The following CEBPG variants were observed in gnomAD, a reference collection of about 807,000 sequenced individuals.
The protein encoded by CEBPG is CCAAT/enhancer-binding protein gamma.
Under a neutral mutation model 11.1 loss-of-function variants are expected in CEBPG, and 6 were observed. That is an observed-to-expected ratio of 0.54 (90% CI 0.30 to 1.07). The LOEUF (loss-of-function observed/expected upper bound fraction) is 1.07. CEBPG is among the 50% of genes least tolerant of loss of function. CEBPG has a pLI of 0.07. For synonymous variants in CEBPG, 66 were observed against 71.0 expected, an observed-to-expected ratio of 0.93 and a Z score of 0.36; for missense variants, 161 against 187.4, an observed-to-expected ratio of 0.86 and a Z score of 0.82.
At position 33,381,449 on chromosome 19, in the gene CEBPG, G is replaced by A. The variant is rs1383886618; in HGVS notation, c.*1757G>A. On this transcript the variant is annotated 3_prime_UTR_variant, in exon 2 of 2. Transcript: ENST00000284000. ...CCAGGAGGGCTGTTAACTCCCTATA[G>A]AGCCAGGAGACAGGATAGGGGTTTC... 3 of 166,978 alleles carry A rather than the reference G, an allele frequency of 1.8e-5. No individual in the cohort carries two copies. The highest frequency in any genetic ancestry group is 4.4e-5 in the Non-Finnish European group (3 of 68,124). The allele number at this position is 166,978 out of a possible 1,614,324, so 10.3% of individuals were successfully genotyped here.
At chr19:33,376,231 A>C (rs1967910802) in intron 1 of CEBPG, among the ~76,000 whole-genome samples, 1 of 152,214 alleles carries the variant, frequency 6.6e-6, no homozygotes. Context: ...AGGTCTGTGG[A>C]GAAAAGGGAC....
At chr19:33,373,928 GGGA>G (rs1967876967) in intron 1 of CEBPG, 33 bp downstream of exon 1, 1 of 151,586 alleles carries the variant, frequency 6.6e-6, no homozygotes, top group Non-Finnish European at 1.5e-5. Context: ...CCTGAGAACG[GGGA>G]GGAGGAGGCC....
chr19:33,376,049 T>G, intron 1 of CEBPG, among the ~76,000 whole-genome samples: 1 of 147,292 alleles, frequency 6.8e-6, no homozygotes. Context: ...AGAGGAAGAG[T>G]AGATGGGAAG....
rs529367654 is a variant in CEBPG at position 33,380,675 on chromosome 19, C to T, written c.*983C>T. 1.2e-5 allele frequency: 2 copies of T among 167,038 alleles called. No individual in the cohort carries two copies. The highest frequency in any genetic ancestry group is 1.3e-4 in the Admixed American group (2 of 15,310). The allele number at this position is 167,038 out of a possible 1,614,324, so 10.3% of individuals were successfully genotyped here. A position where few individuals can be genotyped will look rare whatever the true frequency, so the allele number is the denominator to read the frequency against. On this transcript the variant is annotated 3_prime_UTR_variant, in exon 2 of 2. Transcript: ENST00000284000. Reference sequence around the variant, plus strand: ...TTACTTTTAAAGTCAAAATTTTCTTCTGAAGGCTCATTTTGGTATTTGATC... The same window carrying T: ...TTACTTTTAAAGTCAAAATTTTCTTTTGAAGGCTCATTTTGGTATTTGATC...
intron 1 of CEBPG, among the ~76,000 whole-genome samples, chr19:33,377,199 T>A (rs1967921967): frequency 6.6e-6 from 1 of 152,242 alleles, no homozygotes; most frequent in Admixed American, 6.5e-5. Flanking sequence ...TGTTTGTTAG[T>A]GACTGAAGGT....
rs1967874997 is a variant in CEBPG, at chr19:33,373,810, C to A, written c.-182C>A. On this transcript the variant is annotated 5_prime_UTR_variant, in exon 1 of 2. The change creates a new upstream start codon in the 5' untranslated region. Coordinates refer to ENST00000284000, the MANE Select transcript of CEBPG (RefSeq NM_001806.4). Reference sequence around the variant, plus strand: ...TCGCTCCTCCTCGCTGACTCGCGGGCTGTGAGGCCTGGGTCGGCTCGGGCC... The same window carrying A: ...TCGCTCCTCCTCGCTGACTCGCGGGATGTGAGGCCTGGGTCGGCTCGGGCC... 1 of 151,706 alleles carries A rather than the reference C, an allele frequency of 6.6e-6. No individual in the cohort carries two copies. Among genetic ancestry groups the A allele is most frequent in the Admixed American group, 6.6e-5 (1 of 15,226 alleles). The allele number at this position is 151,706 out of a possible 1,614,324, so 9.4% of individuals were successfully genotyped here.
chr19:33,377,909 C>T (rs1967931026), intron 1 of CEBPG, among the ~76,000 whole-genome samples: 1 of 152,208 alleles, frequency 6.6e-6, no homozygotes, highest in Non-Finnish European at 1.5e-5. Flanking sequence ...GGTGTAGCTA[C>T]TGGTGTTTGC....
intron 1 of CEBPG, among the ~76,000 whole-genome samples, chr19:33,378,357 C>T (rs1014110327): frequency 2.0e-5 from 3 of 152,182 alleles, no homozygotes; most frequent in Non-Finnish European, 4.4e-5. Flanking sequence ...TCCCAGGACC[C>T]GCACTTCCTT....
intron 1 of CEBPG, among the ~76,000 whole-genome samples, chr19:33,377,455 A>G (rs1411883151): frequency 2.6e-5 from 4 of 152,204 alleles, no homozygotes; most frequent in African/African-American, 9.7e-5. Context: ...AAAAAAAAGT[A>G]GAGAAATAAG....
chr19:33,378,442 T>C (rs569911034), intron 1 of CEBPG, among the ~76,000 whole-genome samples: 2 of 152,206 alleles, frequency 1.3e-5, no homozygotes, highest in East Asian at 3.9e-4. Flanking sequence ...ACTAATTATG[T>C]CAAGAAGAAA....
chr19:33,375,775 A>T (rs946831232), intron 1 of CEBPG, among the ~76,000 whole-genome samples: 2 of 152,170 alleles, frequency 1.3e-5, no homozygotes, highest in African/African-American at 4.8e-5. Context: ...ATGCCCAAAG[A>T]AAAGAGAAAG....
Position 33,379,591 on chromosome 19 carries a change from C to A in CEBPG, c.352C>A (p.Leu118Ile), listed in dbSNP as rs752690573. The change falls in exon 2 of 2, where the codon CTC becomes ATC. Residue 118 changes from leucine to isoleucine, a missense_variant. Transcript: ENST00000284000. ...IKLLTKELSV[L>I]KDLFLEHAHN... ...ATTGCTGACCAAGGAATTAAGTGTACTCAAAGATTTGTTTCTTGAGCATGC... is the reference window on the plus strand; with the variant it reads ...ATTGCTGACCAAGGAATTAAGTGTAATCAAAGATTTGTTTCTTGAGCATGC... 1.9e-6 allele frequency: 3 copies of A among 1,614,078 alleles called. No individual in the cohort carries two copies. The highest frequency in any genetic ancestry group is 1.1e-5 in the South Asian group (1 of 91,072).
chr19:33,379,832 T>C lies in CEBPG; in HGVS notation c.*140T>C. 1.4e-6 allele frequency: 1 copy of C among 709,276 alleles called. No homozygotes were observed. Among genetic ancestry groups the C allele is most frequent in the South Asian group, 2.4e-5 (1 of 42,308 alleles). 43.9% of individuals were successfully genotyped at this position (709,276 alleles called of 1,614,324 possible). ...GGAGGCTATTTTCTGGGATCAGCAC[T>C]GAAGAGTTGATTAGCTAAAAATGTT... On this transcript the variant is annotated 3_prime_UTR_variant, in exon 2 of 2. Coordinates refer to ENST00000284000, the MANE Select transcript of CEBPG (RefSeq NM_001806.4).
chr19:33,379,111 CA>C, intron 1 of CEBPG, 32 bp from the exon 2 acceptor site: 1 of 785,494 alleles, frequency 1.3e-6, no homozygotes, highest in Non-Finnish European at 2.0e-6. Context: ...CCTGTCATTT[CA>C]AATATTTTAA....
At chr19:33,377,715 G>T (rs1487283207) in intron 1 of CEBPG, among the ~76,000 whole-genome samples, 2 of 152,230 alleles carry the variant, frequency 1.3e-5, no homozygotes, top group Non-Finnish European at 2.9e-5. Flanking sequence ...CGCCCTCATG[G>T]TTTGGAGGGA....
chr19:33,375,016 T>C (rs1967895654), intron 1 of CEBPG, among the ~76,000 whole-genome samples: 1 of 152,214 alleles, frequency 6.6e-6, no homozygotes, highest in Non-Finnish European at 1.5e-5. Context: ...AAGCTGTTCA[T>C]AAGGTCGATT....
rs150825497 is a variant in CEBPG, at chr19:33,378,167, C to G, written c.-96-977C>G. Among the ~76,000 whole-genome samples, 880 of 152,332 alleles carry G rather than the reference C, an allele frequency of 5.8e-3. 6 individuals are homozygous for G. Among genetic ancestry groups the G allele is most frequent in the Admixed American group, 9.2e-3 (141 of 15,302 alleles). ...ACACTTCTTGGGGCAGCTGTAGGGA[C>G]TTAATTGGATTCAGAGTAATCCACA... On this transcript the variant is annotated intron_variant, in intron 1 of 1. Coordinates refer to ENST00000284000, the MANE Select transcript of CEBPG (RefSeq NM_001806.4).
rs1967992313 is a variant in CEBPG, at chr19:33,381,757, T to C, written c.*2065T>C. ...CTTAAGTATCTTGAAAAAGAAACTT[T>C]AGAGAAAGCATCAGGGGTGTGTACT... is the stretch of plus-strand genomic sequence containing the variant. On this transcript the variant is annotated 3_prime_UTR_variant, in exon 2 of 2. Coordinates refer to ENST00000284000, the MANE Select transcript of CEBPG (RefSeq NM_001806.4). 2.4e-5 allele frequency: 4 copies of C among 167,046 alleles called. No individual in the cohort carries two copies. The highest frequency in any genetic ancestry group is 2.1e-4 in the South Asian group (1 of 4,830). The allele number at this position is 167,046 out of a possible 1,614,324, so 10.3% of individuals were successfully genotyped here. A position where few individuals can be genotyped will look rare whatever the true frequency, so the allele number is the denominator to read the frequency against.
chr19:33,378,753 A>G (rs1027424715), intron 1 of CEBPG, among the ~76,000 whole-genome samples: 1 of 152,156 alleles, frequency 6.6e-6, no homozygotes, highest in East Asian at 1.9e-4. Flanking sequence ...TGAACCAACA[A>G]TGGAAACTTT....
Sources: allele counts gnomAD v4.1 joint callset (sites outside exome capture counted in the v4.1 genomes callset), GRCh38; gene constraint gnomAD v4.1.1; transcripts MANE v1.5; gene names NCBI Gene and HGNC (gene_info 2026-07-23, HGNC 2026-07-21).